FRMPD2: variants seen among roughly 807,000 people sequenced by gnomAD.
FRMPD2 encodes FERM and PDZ domain-containing protein 2.
In FRMPD2, 96 loss-of-function variants were observed where a neutral mutation model predicts 140.1. The observed-to-expected ratio is 0.69, with a 90% CI of 0.58 to 0.81. The LOEUF is 0.81. Among genes scored for constraint, FRMPD2 ranks in the 40% least tolerant of loss-of-function variants. The pLI is 0.00. For missense variants in FRMPD2, 1,240 were observed against 1,447.4 expected (o/e 0.86, Z 2.32); for synonymous variants, 449 against 547.6 (o/e 0.82, Z 2.52).
intron 15 of FRMPD2, among the ~76,000 whole-genome samples, chr10:48,193,248 T>C (rs1838880367): frequency 6.6e-6 from 1 of 152,212 alleles, no homozygotes; most frequent in Non-Finnish European, 1.5e-5. Context: ...CATCCCCTTC[T>C]GCTTTCTGCT....
chr10:48,183,074 CA>C, intron 20 of FRMPD2, among the ~76,000 whole-genome samples: 1 of 152,252 alleles, frequency 6.6e-6, no homozygotes, highest in African/African-American at 2.4e-5. Flanking sequence ...AGCTTCTGGA[CA>C]GGGGAGCTGC....
chr10:48,250,963 AT>A (rs113989363), intron 2 of FRMPD2, among the ~76,000 whole-genome samples: 44 of 143,220 alleles, frequency 3.1e-4, no homozygotes, highest in East Asian at 1.5e-3. Context: ...TACCTGGCAA[AT>A]TTTTTTTTTT....
At chr10:48,194,011 T>C (rs750243273) in intron 15 of FRMPD2, among the ~76,000 whole-genome samples, 18 of 152,232 alleles carry the variant, frequency 1.2e-4, no homozygotes, top group Non-Finnish European at 1.8e-4. Context: ...ATAAGTAAAT[T>C]AAATGTGACC....
intron 21 of FRMPD2, among the ~76,000 whole-genome samples, chr10:48,180,411 T>A (rs1254329343): frequency 6.6e-6 from 1 of 152,156 alleles, no homozygotes; most frequent in Non-Finnish European, 1.5e-5. Flanking sequence ...GCAAAGCCAC[T>A]GAGTTCCCAG....
chr10:48,200,881 G>A (rs1276876498), intron 15 of FRMPD2, among the ~76,000 whole-genome samples: 1 of 152,138 alleles, frequency 6.6e-6, no homozygotes, highest in African/African-American at 2.4e-5. Flanking sequence ...AGACATCCAT[G>A]GGCAGCAACT....
At chr10:48,185,056 A>G (rs1838646307) in intron 18 of FRMPD2, among the ~76,000 whole-genome samples, 175 bp from the exon 19 acceptor site, 1 of 152,226 alleles carries the variant, frequency 6.6e-6, no homozygotes, top group Non-Finnish European at 1.5e-5. Flanking sequence ...TGATACTTGG[A>G]GAAAGGTGGA....
At chr10:48,226,376 A>G (rs1243753461) in intron 10 of FRMPD2, among the ~76,000 whole-genome samples, 1 of 152,150 alleles carries the variant, frequency 6.6e-6, no homozygotes, top group African/African-American at 2.4e-5. Context: ...CTTTTTTCCA[A>G]ACTGCTCAGC....
chr10:48,207,049 A>C, intron 13 of FRMPD2, 116 bp from the exon 14 acceptor site: 1 of 896,178 alleles, frequency 1.1e-6, no homozygotes, highest in Non-Finnish European at 1.6e-6. Context: ...GAAAGAGTAG[A>C]ATTGTCATGT....
At position 48,242,329 on chromosome 10, in the gene FRMPD2, C is replaced by T. The variant is rs1257771511; in HGVS notation, c.399G>A (p.Leu133=). Residue 133 remains leucine, a synonymous_variant, in exon 5 of 29, where the codon CTG becomes CTA. Coordinates refer to ENST00000374201, the MANE Select transcript of FRMPD2 (RefSeq NM_001018071.4). ...PHQPLQLCEP[L]HSILLTMCED... ...CACACATGGTCAGCAGGATGGAGTGCAGGGGCTCGCAGAGCTGCAGGGGCT... is the reference window on the plus strand; with the variant it reads ...CACACATGGTCAGCAGGATGGAGTGTAGGGGCTCGCAGAGCTGCAGGGGCT... 2 of 1,613,428 alleles carry T rather than the reference C, an allele frequency of 1.2e-6. No homozygotes were observed. Among genetic ancestry groups the T allele is most frequent in the Admixed American group, 1.7e-5 (1 of 59,978 alleles).
At chr10:48,251,473 A>ATAAGAAAAAATTTT in intron 2 of FRMPD2, 93 bp downstream of exon 2, 1 of 1,516,758 alleles carries the variant, frequency 6.6e-7, no homozygotes, top group African/African-American at 1.4e-5. Context: ...TCAGAGGTTG[A>ATAAGAAAAAATTTT]TTTAAAAAAG....
At chr10:48,184,911 G>A in intron 18 of FRMPD2, 30 bp from the exon 19 acceptor site, 1 of 1,523,706 alleles carries the variant, frequency 6.6e-7, no homozygotes, top group Non-Finnish European at 9.1e-7. Context: ...TCCATGATAA[G>A]ATGATACTTA....
At chr10:48,266,545 C>G (rs765761433) in intron 1 of FRMPD2, among the ~76,000 whole-genome samples, 41 of 152,284 alleles carry the variant, frequency 2.7e-4, no homozygotes, top group South Asian at 1.2e-3. Flanking sequence ...AATACATATA[C>G]ATTTAACTGA....
chr10:48,261,619 G>A (rs888566655), intron 1 of FRMPD2, among the ~76,000 whole-genome samples: 1 of 152,124 alleles, frequency 6.6e-6, no homozygotes, highest in African/African-American at 2.4e-5. Context: ...GAGTATATTG[G>A]TCACCAGTAG....
At chr10:48,249,242 C>G in intron 2 of FRMPD2, 64 bp from the exon 3 acceptor site, 6 of 1,537,462 alleles carry the variant, frequency 3.9e-6, no homozygotes, top group Non-Finnish European at 5.3e-6. Flanking sequence ...CAGCATGGGA[C>G]TGTGCCCAGC....
At chr10:48,273,384 C>T (rs1163115642) in intron 1 of FRMPD2, among the ~76,000 whole-genome samples, 1 of 152,210 alleles carries the variant, frequency 6.6e-6, no homozygotes, top group Non-Finnish European at 1.5e-5. Context: ...TTGCTCTCCC[C>T]TGTTCACCTC....
chr10:48,184,841 G>A lies in FRMPD2; in HGVS notation c.2400C>T (p.Asp800=). ...INEGEYSGQA[D]PGIFISSIIP... The stretch of plus-strand genomic sequence containing the variant: ...TAATAGAAGATATAAAAATGCCAGG[G>A]TCAGCTTGGCCTGAATACTCTCCCT... The change falls in exon 19 of 29, where the codon GAC becomes GAT. Residue 800 remains aspartate (D), a synonymous_variant. Coordinates refer to ENST00000374201, the MANE Select transcript of FRMPD2 (RefSeq NM_001018071.4). The A allele has an allele frequency of 6.2e-7, 1 of 1,613,738 alleles. No individual in the cohort carries two copies. The highest frequency in any genetic ancestry group is 1.1e-5 in the South Asian group (1 of 91,004).
chr10:48,223,023 A>G, intron 11 of FRMPD2, 100 bp downstream of exon 11: 1 of 1,060,740 alleles, frequency 9.4e-7, no homozygotes, highest in East Asian at 2.4e-5. Context: ...TTTGTATGTA[A>G]TTTACAGTTT....
chr10:48,241,710 G>A (rs1280012464), intron 5 of FRMPD2, among the ~76,000 whole-genome samples: 1 of 152,298 alleles, frequency 6.6e-6, no homozygotes, highest in Non-Finnish European at 1.5e-5. Context: ...AGTGTGACAA[G>A]CACAACAAAG....
Position 48,201,104 on chromosome 10 carries a change from T to A in FRMPD2, c.1954+124A>T, listed in dbSNP as rs557530084. The A allele has an allele frequency of 9.9e-6, 6 of 604,288 alleles. No homozygotes were observed. The South Asian group carries it at 3.1e-4, about 31-fold the overall frequency. The allele number at this position is 604,288 out of a possible 1,614,324, so 37.4% of individuals were successfully genotyped here. A position where few individuals can be genotyped will look rare whatever the true frequency, so the allele number is the denominator to read the frequency against. The stretch of plus-strand genomic sequence containing the variant: ...GTATTTCATTTTTATTGTATTTCTG[T>A]CATTATTAGAGAGATTTACAACTCT... On this transcript the variant is annotated intron_variant, in intron 15 of 28. Transcript: ENST00000374201.
Sources: gnomAD v4.1 joint callset for allele counts (sites outside exome capture counted in the v4.1 genomes callset) on GRCh38, gnomAD v4.1.1 for gene constraint, MANE v1.5 for transcripts, NCBI Gene and HGNC (gene_info 2026-07-23, HGNC 2026-07-21) for gene names.